SGCZ: variants seen among roughly 807,000 people sequenced by gnomAD.
SGCZ encodes the protein sarcoglycan zeta, also known as zeta-sarcoglycan.
A neutral mutation model predicts 41.3 loss-of-function variants in SGCZ; 40 were observed. The observed-to-expected ratio is 0.97, with a 90% confidence interval of 0.75 to 1.26. The LOEUF is 1.26. SGCZ is among the 50% of genes most tolerant of loss of function. SGCZ has a pLI of 0.00. For synonymous variants in SGCZ, 206 were observed against 137.5 expected, an observed-to-expected ratio of 1.50 and a Z score of -3.49; for missense variants, 552 against 369.8, an observed-to-expected ratio of 1.49 and a Z score of -4.04.
chr8:14,252,205 G>T (rs960368131), intron 3 of SGCZ, among the ~76,000 whole-genome samples: 8 of 151,958 alleles, frequency 5.3e-5, no homozygotes, highest in Admixed American at 5.3e-4. Flanking sequence ...GATACATGCT[G>T]GCTTATGGCT....
intron 4 of SGCZ, among the ~76,000 whole-genome samples, chr8:14,226,532 T>G (rs1806379658): frequency 6.6e-6 from 1 of 152,104 alleles, no homozygotes; most frequent in Non-Finnish European, 1.5e-5. Flanking sequence ...ATAATGTCAA[T>G]AGCTTTTTTA....
intron 1 of SGCZ, among the ~76,000 whole-genome samples, chr8:14,577,485 T>C (rs1442508465): frequency 6.7e-6 from 1 of 149,568 alleles, no homozygotes; most frequent in Non-Finnish European, 1.5e-5. Flanking sequence ...GCCTCCCAGA[T>C]TCAAGCAATT....
intron 1 of SGCZ, among the ~76,000 whole-genome samples, chr8:14,787,232 G>T (rs1435458053): frequency 6.6e-6 from 1 of 152,072 alleles, no homozygotes; most frequent in African/African-American, 2.4e-5. Context: ...AAGACTTCGG[G>T]GGAAATGTCA....
intron 4 of SGCZ, among the ~76,000 whole-genome samples, chr8:14,191,594 G>A (rs1380428646): frequency 1.3e-5 from 2 of 152,138 alleles, no homozygotes; most frequent in African/African-American, 4.8e-5. Flanking sequence ...ATCTCACTGT[G>A]TAAAACTCAA....
chr8:14,724,558 C>A (rs1448432218), intron 1 of SGCZ, among the ~76,000 whole-genome samples: 1 of 151,590 alleles, frequency 6.6e-6, no homozygotes, highest in Admixed American at 6.6e-5. Context: ...ATCTGAGAGA[C>A]AATCACTATA....
At chr8:14,386,934 T>C (rs969833534) in intron 2 of SGCZ, among the ~76,000 whole-genome samples, 4 of 152,356 alleles carry the variant, frequency 2.6e-5, no homozygotes, top group East Asian at 3.9e-4. Flanking sequence ...TGTTTAATAA[T>C]AGAATAAAAT....
intron 4 of SGCZ, among the ~76,000 whole-genome samples, chr8:14,219,962 T>C (rs75987392): frequency 0.047 from 7,176 of 152,266 alleles, 211 homozygotes; most frequent in Middle Eastern, 0.095. Flanking sequence ...GAACAAACTT[T>C]ATTTCTCATT....
At chr8:14,395,866 A>G (rs927360974) in intron 2 of SGCZ, among the ~76,000 whole-genome samples, 2 of 151,740 alleles carry the variant, frequency 1.3e-5, no homozygotes, top group African/African-American at 4.9e-5. Flanking sequence ...ATCACTACTT[A>G]AAGTTACTGC....
At chr8:14,962,947 T>C (rs1801009209) in intron 1 of SGCZ, among the ~76,000 whole-genome samples, 1 of 152,192 alleles carries the variant, frequency 6.6e-6, no homozygotes, top group Non-Finnish European at 1.5e-5. Context: ...AGCCCTGTTC[T>C]AGTAAAAAGT....
chr8:14,408,966 T>TGTGTGTGTGTGTGTGCGTGTGC (rs1395616202), intron 2 of SGCZ, among the ~76,000 whole-genome samples: 6 of 136,776 alleles, frequency 4.4e-5, no homozygotes, highest in Non-Finnish European at 8.9e-5. Flanking sequence ...TGTGTGTGTG[T>TGTGTGTGTGTGTGTGCGTGTGC]GTGTGCATGT....
chr8:15,235,570 T>A (rs1344704664), intron 1 of SGCZ, among the ~76,000 whole-genome samples: 2 of 152,146 alleles, frequency 1.3e-5, no homozygotes, highest in Non-Finnish European at 2.9e-5. Flanking sequence ...GCTATGAGGA[T>A]CTCTGGATTA....
intron 1 of SGCZ, among the ~76,000 whole-genome samples, chr8:14,788,848 CACCTGTA>C (rs1338771737): frequency 6.6e-6 from 1 of 152,152 alleles, no homozygotes; most frequent in African/African-American, 2.4e-5. Flanking sequence ...CAGTGGCTCA[CACCTGTA>C]ACCCCAGTGC....
At chr8:14,570,094 T>C (rs1804506168) in intron 1 of SGCZ, among the ~76,000 whole-genome samples, 1 of 152,150 alleles carries the variant, frequency 6.6e-6, no homozygotes, top group Non-Finnish European at 1.5e-5. Context: ...AATATTTATC[T>C]GTTGATTTTC....
intron 1 of SGCZ, among the ~76,000 whole-genome samples, chr8:14,592,845 G>C: frequency 6.6e-6 from 1 of 152,148 alleles, no homozygotes; most frequent in African/African-American, 2.4e-5. Context: ...TAATCAGACA[G>C]ACTAGAAGAC....
chr8:14,429,780 T>C (rs181524562), intron 2 of SGCZ, among the ~76,000 whole-genome samples: 2 of 152,118 alleles, frequency 1.3e-5, no homozygotes, highest in African/African-American at 4.8e-5. Flanking sequence ...AACAAAGTTT[T>C]CTTGGACTTG....
chr8:14,430,455 T>A (rs903187269), intron 2 of SGCZ, among the ~76,000 whole-genome samples: 1 of 152,174 alleles, frequency 6.6e-6, no homozygotes, highest in African/African-American at 2.4e-5. Flanking sequence ...GACATGATCA[T>A]GTCATCAGAT....
chr8:14,789,685 A>T (rs1307519108), intron 1 of SGCZ, among the ~76,000 whole-genome samples: 7 of 152,094 alleles, frequency 4.6e-5, no homozygotes, highest in African/African-American at 1.4e-4. Context: ...TTCCTGGAAC[A>T]ATCCTACTGT....
intron 1 of SGCZ, among the ~76,000 whole-genome samples, chr8:14,589,904 C>T (rs1331348594): frequency 6.6e-6 from 1 of 152,150 alleles, no homozygotes; most frequent in Non-Finnish European, 1.5e-5. Context: ...AAACAAACTT[C>T]TTAGTCCAGG....
intron 1 of SGCZ, among the ~76,000 whole-genome samples, chr8:15,069,794 A>T (rs982901474): frequency 4.6e-5 from 7 of 152,206 alleles, no homozygotes; most frequent in Admixed American, 2.0e-4. Flanking sequence ...AATGCAATAC[A>T]TTACTTAAAA....
Sources: gnomAD v4.1 joint callset for allele counts (sites outside exome capture counted in the v4.1 genomes callset) on GRCh38, gnomAD v4.1.1 for gene constraint, MANE v1.5 for transcripts, NCBI Gene and HGNC (gene_info 2026-07-23, HGNC 2026-07-21) for gene names.